The following NT5DC1 variants were observed in gnomAD, a reference collection of about 807,000 sequenced individuals.
NT5DC1 encodes the protein 5'-nucleotidase domain-containing protein 1.
In NT5DC1, 42 loss-of-function variants were observed where a neutral mutation model predicts 59.4. The observed-to-expected ratio is 0.71, with a 90% CI of 0.55 to 0.92. NT5DC1 has a LOEUF of 0.92. NT5DC1 is among the 40% of genes least tolerant of loss of function. The pLI, the probability that NT5DC1 is intolerant of heterozygous loss-of-function variation, is 0.00. For missense variants in NT5DC1, 501 were observed against 537.1 expected (o/e 0.93, Z 0.66); for synonymous variants, 172 against 188.1 (o/e 0.91, Z 0.70).
At chr6:116,179,439 G>T (rs1213594158) in intron 6 of NT5DC1, among the ~76,000 whole-genome samples, 2 of 151,692 alleles carry the variant, frequency 1.3e-5, no homozygotes, top group African/African-American at 4.8e-5. Flanking sequence ...AAACAAATCA[G>T]CAGAAAAAAA....
At chr6:116,179,355 G>A (rs912080932) in intron 6 of NT5DC1, among the ~76,000 whole-genome samples, 36 of 152,150 alleles carry the variant, frequency 2.4e-4, no homozygotes, top group African/African-American at 8.7e-4. Flanking sequence ...TTTCTTCAGA[G>A]AATTGGGGTT....
intron 6 of NT5DC1, among the ~76,000 whole-genome samples, chr6:116,208,715 T>C (rs1781510496): frequency 6.6e-6 from 1 of 152,054 alleles, no homozygotes; most frequent in Admixed American, 6.6e-5. Flanking sequence ...TCTGTGACCC[T>C]GCGATTGCTC....
At chr6:116,151,178 C>T (rs749846395) in intron 6 of NT5DC1, among the ~76,000 whole-genome samples, 2 of 152,122 alleles carry the variant, frequency 1.3e-5, no homozygotes, top group East Asian at 1.9e-4. Context: ...GCCCATATTC[C>T]TGCCAACTTC....
At chr6:116,118,889 G>C (rs1320666346) in intron 6 of NT5DC1, 6 of 151,916 alleles carry the variant, frequency 3.9e-5, no homozygotes, top group African/African-American at 1.5e-4. Context: ...ACCAATATAG[G>C]GACATATCCA....
chr6:116,192,573 T>C (rs1781143420), intron 6 of NT5DC1, among the ~76,000 whole-genome samples: 1 of 152,208 alleles, frequency 6.6e-6, no homozygotes, highest in East Asian at 1.9e-4. Flanking sequence ...CTATTTTCTT[T>C]TGATATAAAG....
At chr6:116,134,364 G>A (rs948921514) in intron 6 of NT5DC1, among the ~76,000 whole-genome samples, 12 of 152,170 alleles carry the variant, frequency 7.9e-5, no homozygotes, top group African/African-American at 2.4e-4. Flanking sequence ...TAGTGTCTGT[G>A]TGAATCTATC....
At chr6:116,196,481 G>A (rs760019104) in intron 6 of NT5DC1, among the ~76,000 whole-genome samples, 4 of 151,594 alleles carry the variant, frequency 2.6e-5, no homozygotes, top group Admixed American at 1.3e-4. Flanking sequence ...GTTTGATCTA[G>A]GGAAAAAAAA....
At chr6:116,190,482 C>T (rs991705502) in intron 6 of NT5DC1, among the ~76,000 whole-genome samples, 8 of 152,008 alleles carry the variant, frequency 5.3e-5, no homozygotes, top group African/African-American at 9.6e-5. Flanking sequence ...CAGAAGTTAG[C>T]GGCAGTGGTA....
chr6:116,148,900 A>C (rs1000267999), intron 6 of NT5DC1, among the ~76,000 whole-genome samples: 1 of 152,176 alleles, frequency 6.6e-6, no homozygotes, highest in Non-Finnish European at 1.5e-5. Flanking sequence ...CATGTATTAC[A>C]TGATACCAAT....
chr6:116,174,912 A>G (rs1478151433), intron 6 of NT5DC1, among the ~76,000 whole-genome samples: 1 of 152,198 alleles, frequency 6.6e-6, no homozygotes, highest in Admixed American at 6.5e-5. Context: ...TATTAAAGAT[A>G]CATCTAAAAA....
At chr6:116,124,357 G>A (rs1779228622) in intron 6 of NT5DC1, among the ~76,000 whole-genome samples, 1 of 152,050 alleles carries the variant, frequency 6.6e-6, no homozygotes, top group Non-Finnish European at 1.5e-5. Context: ...TATTTTATAG[G>A]CGGTCGTGTC....
chr6:116,147,229 G>A (rs1475052510), intron 6 of NT5DC1, among the ~76,000 whole-genome samples: 1 of 151,834 alleles, frequency 6.6e-6, no homozygotes, highest in Non-Finnish European at 1.5e-5. Context: ...TCACCTTGAG[G>A]TCAGGTGTTT....
chr6:116,238,420 A>G, intron 10 of NT5DC1, 72 bp downstream of exon 10: 12 of 1,012,106 alleles, frequency 1.2e-5, no homozygotes, highest in Non-Finnish European at 1.5e-5. Context: ...TCTTTATACT[A>G]CTTGACTCCA....
chr6:116,157,767 A>G (rs1446960103), intron 6 of NT5DC1, among the ~76,000 whole-genome samples: 1 of 152,166 alleles, frequency 6.6e-6, no homozygotes, highest in African/African-American at 2.4e-5. Flanking sequence ...CTTCACTTCA[A>G]ACAGACTCTA....
intron 8 of NT5DC1, among the ~76,000 whole-genome samples, chr6:116,232,785 T>G (rs543321457): frequency 3.7e-4 from 57 of 152,340 alleles, no homozygotes; most frequent in African/African-American, 1.3e-3. Context: ...TTTAAACTCG[T>G]CTTGTCCATA....
intron 8 of NT5DC1, among the ~76,000 whole-genome samples, chr6:116,236,159 A>G (rs151294774): frequency 0.014 from 2,204 of 152,314 alleles, 25 homozygotes; most frequent in Middle Eastern, 0.044. Flanking sequence ...TTGATGTGAG[A>G]AAAAAGAGGT....
chr6:116,169,668 A>G (rs1582849750), intron 6 of NT5DC1, among the ~76,000 whole-genome samples: 1 of 152,214 alleles, frequency 6.6e-6, no homozygotes, highest in Non-Finnish European at 1.5e-5. Flanking sequence ...ATTTTAACAA[A>G]TGGATAAAAC....
In NT5DC1 at chr6:116,244,066, G is replaced by A. The variant is rs754090141; in HGVS notation, c.*42G>A. ...AATGAAGTGAAGACCCATATATGCA[G>A]TTAAAAAAAAGTTAATTTTCAAAAA... is the stretch of plus-strand genomic sequence containing the variant. On this transcript the variant is annotated 3_prime_UTR_variant, in exon 12 of 12. Coordinates refer to ENST00000319550, the MANE Select transcript of NT5DC1 (RefSeq NM_152729.3). 5.3e-6 allele frequency: 4 copies of A among 754,326 alleles called. No homozygotes were observed. Among genetic ancestry groups the A allele is most frequent in the Admixed American group, 2.7e-5 (1 of 37,432 alleles). 46.7% of individuals were successfully genotyped at this position (754,326 alleles called of 1,614,324 possible).
At chr6:116,153,804 A>G (rs1003089528) in intron 6 of NT5DC1, among the ~76,000 whole-genome samples, 3 of 152,114 alleles carry the variant, frequency 2.0e-5, no homozygotes, top group African/African-American at 7.2e-5. Flanking sequence ...CTAAGTTTTG[A>G]TAAACTGAGT....
Sources: allele counts gnomAD v4.1 joint callset (sites outside exome capture counted in the v4.1 genomes callset), GRCh38; gene constraint gnomAD v4.1.1; transcripts MANE v1.5; gene names NCBI Gene and HGNC (gene_info 2026-07-23, HGNC 2026-07-21).